Variants in CHODL observed in about 807,000 individuals in gnomAD.
CHODL encodes the protein chondrolectin.
In CHODL, 29 loss-of-function variants were observed where a neutral mutation model predicts 34.5. That is an observed-to-expected ratio of 0.84 (90% CI 0.63 to 1.15). CHODL has a LOEUF of 1.15. Among genes scored for constraint, CHODL ranks in the 50% most tolerant of loss-of-function variants. CHODL has a pLI of 0.00. For missense variants in CHODL, 332 were observed against 332.5 expected (o/e 1.00, Z 0.01); for synonymous variants, 125 against 116.1 (o/e 1.08, Z -0.49).
intron 2 of CHODL, among the ~76,000 whole-genome samples, chr21:18,086,041 C>CTTTTTTTTTTTTTTTTTTTT (rs3984977): frequency 2.6e-5 from 1 of 38,748 alleles, no homozygotes; most frequent in South Asian, 1.6e-3. Flanking sequence ...AGACTTTGTT[C>CTTTTTTTTTTTTTTTTTTTT]TTTTTTTTTT....
chr21:18,087,265 C>T (rs2065019224), intron 2 of CHODL, among the ~76,000 whole-genome samples: 1 of 152,024 alleles, frequency 6.6e-6, no homozygotes, highest in Non-Finnish European at 1.5e-5. Flanking sequence ...TCACAGGAGC[C>T]CATAGCAGGG....
At chr21:18,248,908 G>GTA (rs1232058240) in intron 1 of CHODL, among the ~76,000 whole-genome samples, 7 of 112,418 alleles carry the variant, frequency 6.2e-5, no homozygotes, top group African/African-American at 1.9e-4. Context: ...ACATATATAT[G>GTA]TATAATACAT....
chr21:18,039,859 G>A (rs1020856146), intron 2 of CHODL, among the ~76,000 whole-genome samples: 2 of 151,690 alleles, frequency 1.3e-5, no homozygotes, highest in Non-Finnish European at 3.0e-5. Context: ...TTTATGGATT[G>A]CTATTTTTTC....
chr21:18,266,357 T>TTA lies in CHODL; in HGVS notation c.*321_*322dup, dbSNP rs564588715. Reference sequence around the variant, plus strand: ...GTATGTGTGTTAGAAGCAATTCCTTTTATTTCTTTCACCTTTCATAAGTTG... The same window carrying TTA: ...GTATGTGTGTTAGAAGCAATTCCTTTTATATTTCTTTCACCTTTCATAAGTTG... On this transcript the variant is annotated 3_prime_UTR_variant, in exon 6 of 6. Transcript: ENST00000299295. 88 of 566,096 alleles carry TTA rather than the reference T, an allele frequency of 1.6e-4. 1 individual carries two copies. The East Asian group carries it at 2.7e-3, about 17-fold the overall frequency. The allele number at this position is 566,096 out of a possible 1,614,324, so 35.1% of individuals were successfully genotyped here. A position where few individuals can be genotyped will look rare whatever the true frequency, so the allele number is the denominator to read the frequency against.
At position 18,098,369 on chromosome 21, in the gene CHODL, A is replaced by T. The variant is rs115602669; in HGVS notation, c.-45+70398A>T. On this transcript the variant is annotated intron_variant, in intron 2 of 6. Coordinates refer to the CHODL transcript ENST00000400127. ...GCCTCAATAACTCTATAGGAAAAAA[A>T]AATAATAATTCAATTAAAAATGGGC... Among the ~76,000 whole-genome samples, 615 of 152,210 alleles carry T rather than the reference A, an allele frequency of 4.0e-3. 7 individuals are homozygous for T. The highest frequency in any genetic ancestry group is 0.014 in the African/African-American group (575 of 41,568).
intron 2 of CHODL, among the ~76,000 whole-genome samples, chr21:18,082,791 G>T (rs150408241): frequency 6.6e-6 from 1 of 152,106 alleles, no homozygotes; most frequent in African/African-American, 2.4e-5. Flanking sequence ...TCAAGATGTG[G>T]CCTGGCTGCT....
At chr21:17,944,345 A>C (rs180701569) in intron 1 of CHODL, among the ~76,000 whole-genome samples, 136 of 152,302 alleles carry the variant, frequency 8.9e-4, no homozygotes, top group African/African-American at 3.0e-3. Flanking sequence ...GCAGTTAAAA[A>C]ATCGACCCAA....
chr21:18,198,233 G>A (rs973265368), intron 2 of CHODL, among the ~76,000 whole-genome samples: 2 of 152,122 alleles, frequency 1.3e-5, no homozygotes, highest in Admixed American at 6.5e-5. Flanking sequence ...GTTTATGGAT[G>A]CCTTACATTC....
intron 2 of CHODL, among the ~76,000 whole-genome samples, chr21:18,231,946 A>G (rs2073983030): frequency 6.6e-6 from 1 of 152,000 alleles, no homozygotes; most frequent in Non-Finnish European, 1.5e-5. Flanking sequence ...CAGCCATACT[A>G]TAACACAGAT....
intron 1 of CHODL, among the ~76,000 whole-genome samples, chr21:17,922,007 A>C (rs2063186908): frequency 6.6e-6 from 1 of 152,214 alleles, no homozygotes; most frequent in African/African-American, 2.4e-5. Flanking sequence ...GTTATGAAAT[A>C]TGATGCTATT....
intron 2 of CHODL, among the ~76,000 whole-genome samples, chr21:18,151,446 T>C (rs1196337959): frequency 6.6e-6 from 1 of 152,218 alleles, no homozygotes; most frequent in East Asian, 1.9e-4. Context: ...TCTCCACCCC[T>C]TCCTCCATAA....
chr21:17,991,467 A>G (rs757842769), intron 1 of CHODL, among the ~76,000 whole-genome samples: 5 of 151,976 alleles, frequency 3.3e-5, no homozygotes, highest in Admixed American at 6.6e-5. Context: ...ACTAGCATCT[A>G]TTATTTTTTG....
chr21:17,943,726 C>T (rs1505267), intron 1 of CHODL, among the ~76,000 whole-genome samples: 66,049 of 152,012 alleles, frequency 0.43, 14,719 homozygotes, highest in East Asian at 0.61. Context: ...TGACCATGCT[C>T]TCTGTCCCCC....
chr21:18,095,281 A>C (rs2146535600), intron 2 of CHODL, among the ~76,000 whole-genome samples: 1 of 152,298 alleles, frequency 6.6e-6, no homozygotes, highest in South Asian at 2.1e-4. Flanking sequence ...AGAGAAAAGG[A>C]GAGAAGATCC....
At chr21:18,249,632 A>G (rs1434347879) in intron 1 of CHODL, among the ~76,000 whole-genome samples, 1 of 152,128 alleles carries the variant, frequency 6.6e-6, no homozygotes, top group Non-Finnish European at 1.5e-5. Context: ...CCTTTTGTTC[A>G]TGAAATATTT....
rs905586514 is a variant in CHODL, at chr21:17,989,772, G to A, written c.-144-38100G>A. On this transcript the variant is annotated intron_variant, in intron 1 of 6. Transcript: ENST00000400127. ...TTTACAATCCACGTAAACACATTCC[G>A]GTTTTCAAAAATAAATTGGTACTAC... Among the ~76,000 whole-genome samples, 7 of 152,132 alleles carry A rather than the reference G, an allele frequency of 4.6e-5. No individual in the cohort carries two copies. The South Asian group carries it at 8.3e-4, about 18-fold the overall frequency.
chr21:17,988,790 G>T (rs563709034), intron 1 of CHODL, among the ~76,000 whole-genome samples: 1 of 151,696 alleles, frequency 6.6e-6, no homozygotes, highest in South Asian at 2.1e-4. Context: ...TCTTAATCCA[G>T]TCTGTCATTG....
chr21:18,181,195 T>C (rs948457972), intron 2 of CHODL, among the ~76,000 whole-genome samples: 5 of 152,198 alleles, frequency 3.3e-5, no homozygotes, highest in Non-Finnish European at 7.3e-5. Flanking sequence ...CACAAATGAA[T>C]TGTGAACTGT....
intron 1 of CHODL, among the ~76,000 whole-genome samples, chr21:18,011,378 A>C (rs186672560): frequency 6.6e-6 from 1 of 152,338 alleles, no homozygotes; most frequent in Non-Finnish European, 1.5e-5. Flanking sequence ...AGATCAGTGC[A>C]TGGGAGATAA....
Sources: gnomAD v4.1 joint callset for allele counts (sites outside exome capture counted in the v4.1 genomes callset) on GRCh38, gnomAD v4.1.1 for gene constraint, MANE v1.5 for transcripts, NCBI Gene and HGNC (gene_info 2026-07-23, HGNC 2026-07-21) for gene names.